The following ABHD16A variants were observed in gnomAD, a reference collection of about 807,000 sequenced individuals.
ABHD16A encodes abhydrolase domain containing 16A, phospholipase, also known as phosphatidylserine lipase ABHD16A.
ABHD16A carries 47 observed loss-of-function variants against 89.8 expected under a neutral mutation model. The ratio of observed to expected loss-of-function variants is 0.52; its 90% CI spans 0.41 to 0.67. ABHD16A has a LOEUF of 0.67. Ranked by LOEUF, ABHD16A falls within the 30% of genes least tolerant of loss-of-function variation. ABHD16A has a pLI of 0.00. For missense variants in ABHD16A, 580 were observed against 734.6 expected (o/e 0.79, Z 2.43); for synonymous variants, 251 against 280.4 (o/e 0.90, Z 1.05).
chr6:31,703,031 G>A (rs1189011197), intron 1 of ABHD16A, 119 bp downstream of exon 1: 35 of 1,364,232 alleles, frequency 2.6e-5, no homozygotes, highest in Non-Finnish European at 3.2e-5. Context: ...AGATTTTGCG[G>A]ATAACTGGCT....
chr6:31,702,580 TA>T, intron 1 of ABHD16A: 1 of 1,420,826 alleles, frequency 7.0e-7, no homozygotes, highest in South Asian at 1.6e-5. Context: ...AGACAACTGA[TA>T]AAAAGGAAGA....
Position 31,692,937 on chromosome 6 carries a change from C to T in ABHD16A, c.626+90G>A, listed in dbSNP as rs765142758. 2.1e-4 allele frequency: 323 copies of T among 1,558,048 alleles called. 1 individual carries two copies. The highest frequency in any genetic ancestry group is 3.5e-4 in the Admixed American group (21 of 59,746). Reference sequence around the variant, plus strand: ...ATACAGCACTAGGCCCAATGAGTGACAGCTATTTTACAATGGAGCGCCCAC... The same window carrying T: ...ATACAGCACTAGGCCCAATGAGTGATAGCTATTTTACAATGGAGCGCCCAC... On this transcript the variant is annotated intron_variant, in intron 7 of 19. Coordinates refer to ENST00000395952, the MANE Select transcript of ABHD16A (RefSeq NM_021160.3).
chr6:31,700,591 T>C (rs1430093096), intron 4 of ABHD16A, among the ~76,000 whole-genome samples: 1 of 152,196 alleles, frequency 6.6e-6, no homozygotes, highest in African/African-American at 2.4e-5. Flanking sequence ...TTGTAGGGTA[T>C]ATGCATCTTT....
rs1281115073 is a variant in ABHD16A at position 31,688,963 on chromosome 6, C to G, written c.1186+52G>C. ...AAGGGAGCCATCTCAGAACAGTTCCCAGTTCCAGCCCACCCCTTCCCAGGA... is the reference window on the plus strand; with the variant it reads ...AAGGGAGCCATCTCAGAACAGTTCCGAGTTCCAGCCCACCCCTTCCCAGGA... On this transcript the variant is annotated intron_variant, in intron 13 of 19. Transcript: ENST00000395952. The surrounding 1 kb of genome is among the most constrained non-coding windows in gnomAD (Gnocchi z 4.9). The G allele has an allele frequency of 6.4e-7, 1 of 1,552,670 alleles. No individual in the cohort carries two copies. Among genetic ancestry groups the G allele is most frequent in the Non-Finnish European group, 8.8e-7 (1 of 1,136,732 alleles).
chr6:31,700,027 C>T (rs868624265), intron 4 of ABHD16A, among the ~76,000 whole-genome samples: 12 of 152,172 alleles, frequency 7.9e-5, no homozygotes, highest in Middle Eastern at 3.2e-3. Context: ...GGATTACAGG[C>T]ATGAGCCACT....
At position 31,687,415 on chromosome 6, in the gene ABHD16A, C is replaced by T; in HGVS notation, c.1593+83G>A. On this transcript the variant is annotated intron_variant, in intron 19 of 19. Transcript: ENST00000395952. This position sits in a 1 kb window ranked among gnomAD's most constrained non-coding sequence, Gnocchi z 6.3. ...CCCACTCTACAAAAGCTGCCACTTC[C>T]AATGCTTATAGGGTATCCCCAGTCC... The T allele has an allele frequency of 1.2e-6, 2 of 1,609,440 alleles. No homozygotes were observed. The highest frequency in any genetic ancestry group is 1.7e-6 in the Non-Finnish European group (2 of 1,176,800).
At position 31,701,269 on chromosome 6, in the gene ABHD16A, C is replaced by G; in HGVS notation, c.256+5G>C. On this transcript the variant is annotated splice_donor_5th_base_variant and intron_variant, in intron 3 of 19. Transcript: ENST00000395952. ...CTACCCCACCACCTTTGAAACCACA[C>G]TGACCTTTCCTGTACAAGTAGAAGA... The G allele has an allele frequency of 4.3e-6, 7 of 1,612,236 alleles. No homozygotes were observed. The highest frequency in any genetic ancestry group is 5.9e-6 in the Non-Finnish European group (7 of 1,178,518).
At position 31,698,922 on chromosome 6, in the gene ABHD16A, T is replaced by C. The variant is rs2151250479; in HGVS notation, c.344-1889A>G. On this transcript the variant is annotated intron_variant, in intron 4 of 19. Transcript: ENST00000395952. The surrounding 1 kb of genome is among the most constrained non-coding windows in gnomAD (Gnocchi z 4.1). ...GTACCCACTAGGGGTAGGTGATCTG[T>C]CCTCTTTATTTTTTTAAATTGCGAG... Among the ~76,000 whole-genome samples the C allele has an allele frequency of 6.6e-6, 1 of 152,290 alleles. No individual in the cohort carries two copies. Among genetic ancestry groups the C allele is most frequent in the South Asian group, 2.1e-4 (1 of 4,828 alleles).
In ABHD16A at chr6:31,690,695, A is replaced by G. The variant is rs746005382; in HGVS notation, c.844-93T>C. The G allele has an allele frequency of 7.8e-6, 9 of 1,153,694 alleles. No individual in the cohort carries two copies. Among genetic ancestry groups the G allele is most frequent in the Non-Finnish European group, 1.2e-5 (9 of 766,508 alleles). The allele number at this position is 1,153,694 out of a possible 1,614,324, so 71.5% of individuals were successfully genotyped here. A position where few individuals can be genotyped will look rare whatever the true frequency, so the allele number is the denominator to read the frequency against. On this transcript the variant is annotated intron_variant, in intron 9 of 19. Transcript: ENST00000395952. The surrounding 1 kb of genome is among the most constrained non-coding windows in gnomAD (Gnocchi z 4.1). ...GAGGGCAGCCCATGAAGAGCTTTGC[A>G]GGGAAGAGGAAAGGGCAGGTTTCTG...
At chr6:31,694,724 C>T (rs139932338) in intron 5 of ABHD16A, among the ~76,000 whole-genome samples, 1 of 152,034 alleles carries the variant, frequency 6.6e-6, no homozygotes, top group Non-Finnish European at 1.5e-5. Flanking sequence ...ATATTCGTCC[C>T]CCACCCCCTG....
intron 4 of ABHD16A, among the ~76,000 whole-genome samples, chr6:31,699,184 A>T (rs981752402): frequency 2.0e-5 from 3 of 151,884 alleles, no homozygotes; most frequent in Admixed American, 2.0e-4. Flanking sequence ...AGGCGGGTGG[A>T]TCACGAGGTC....
chr6:31,694,389 T>TTTTTTTG (rs1554185561), intron 5 of ABHD16A, among the ~76,000 whole-genome samples: 9 of 40,428 alleles, frequency 2.2e-4, no homozygotes, highest in South Asian at 9.4e-4. Flanking sequence ...AGCTGTGTCT[T>TTTTTTTG]TTTTTTTTTT....
Position 31,691,633 on chromosome 6 carries a change from A to T in ABHD16A, c.789T>A (p.Ile263=). Reference sequence around the variant, plus strand: ...CCCGCCGGTCCACAAACATGGTGTCAATCTCATTGCCATCACAGGCCAGCA... The same window carrying T: ...CCCGCCGGTCCACAAACATGGTGTCTATCTCATTGCCATCACAGGCCAGCA... ...AKLLACDGNE[I]DTMFVDRRGT... is the part of the protein sequence containing the mutation. Residue 263 remains isoleucine (I), a synonymous_variant, in exon 9 of 20, where the codon ATT becomes ATA. Transcript: ENST00000395952. 6.2e-7 allele frequency: 1 copy of T among 1,612,790 alleles called. No individual in the cohort carries two copies. Among genetic ancestry groups the T allele is most frequent in the Admixed American group, 1.7e-5 (1 of 59,986 alleles).
At chr6:31,692,940 C>T (rs770371317) in intron 7 of ABHD16A, 87 bp downstream of exon 7, 6 of 1,574,620 alleles carry the variant, frequency 3.8e-6, no homozygotes, top group Non-Finnish European at 5.2e-6. Flanking sequence ...TGAGTGACAG[C>T]TATTTTACAA....
Position 31,687,742 on chromosome 6 carries a change from T to A in ABHD16A, c.1448-2A>T. On this transcript the variant is annotated splice_acceptor_variant, in intron 17 of 19. Coordinates refer to ENST00000395952, the MANE Select transcript of ABHD16A (RefSeq NM_021160.3). LOFTEE classifies it high-confidence loss of function. The surrounding 1 kb of genome is among the most constrained non-coding windows in gnomAD (Gnocchi z 6.3). Reference sequence around the variant, plus strand: ...CCTCCCATCGGCTATAAATTGAGGCTGGTCAGGGAGAGAGATGACAGCCAG... The same window carrying A: ...CCTCCCATCGGCTATAAATTGAGGCAGGTCAGGGAGAGAGATGACAGCCAG... 1 of 1,612,846 alleles carries A rather than the reference T, an allele frequency of 6.2e-7. No homozygotes were observed. Among genetic ancestry groups the A allele is most frequent in the Non-Finnish European group, 8.5e-7 (1 of 1,179,906 alleles).
chr6:31,687,274 A>C lies in ABHD16A; in HGVS notation c.1615T>G (p.Phe539Val). Residue 539 changes from phenylalanine to valine, a missense_variant, in exon 20 of 20, where the codon TTT (phenylalanine) becomes GTT (valine). Transcript: ENST00000395952. This position sits in a 1 kb window ranked among gnomAD's most constrained non-coding sequence, Gnocchi z 6.3. ...LFLARKHLHNFEATHCTPLPA... is the reference protein window; with the variant it reads ...LFLARKHLHNVEATHCTPLPA... ...AGTGGGGTGCAGTGAGTGGCCTCAA[A>C]GTTGTGCAGATGCTTCCGAGCCTGA... is the stretch of plus-strand genomic sequence containing the variant. 1 of 1,612,898 alleles carries C rather than the reference A, an allele frequency of 6.2e-7. No individual in the cohort carries two copies.
At chr6:31,699,961 TGG>T (rs1216353484) in intron 4 of ABHD16A, among the ~76,000 whole-genome samples, 1 of 152,108 alleles carries the variant, frequency 6.6e-6, no homozygotes, top group Non-Finnish European at 1.5e-5. Flanking sequence ...TTGGACAGAC[TGG>T]TCTTGAACTC....
At chr6:31,697,654 CTCCTTTCTGCTT>C (rs1290682871) in intron 4 of ABHD16A, among the ~76,000 whole-genome samples, 1 of 152,208 alleles carries the variant, frequency 6.6e-6, no homozygotes, top group Admixed American at 6.5e-5. Flanking sequence ...CCTCTCCTGC[CTCCTTTCTGCTT>C]TCCTTTCTGA....
intron 5 of ABHD16A, among the ~76,000 whole-genome samples, chr6:31,694,334 G>A (rs1451276432): frequency 1.3e-5 from 2 of 149,832 alleles, no homozygotes; most frequent in East Asian, 3.9e-4. Flanking sequence ...TGGGATTATA[G>A]GCATGAACCA....
Sources: gnomAD v4.1 joint callset for allele counts (sites outside exome capture counted in the v4.1 genomes callset) on GRCh38, gnomAD v4.1.1 for gene constraint, Gnocchi (gnomAD v3.1) non-coding constraint, MANE v1.5 for transcripts, NCBI Gene and HGNC (gene_info 2026-07-23, HGNC 2026-07-21) for gene names.